SNTB1: variants seen among roughly 807,000 people sequenced by gnomAD.
SNTB1 encodes beta-1-syntrophin.
SNTB1 carries 36 observed loss-of-function variants against 48.9 expected under a neutral mutation model. The ratio of observed to expected loss-of-function variants is 0.74; its 90% CI spans 0.56 to 0.97. The LOEUF (loss-of-function observed/expected upper bound fraction) is 0.97. SNTB1 is among the 50% of genes least tolerant of loss of function. The probability of loss-of-function intolerance (pLI) is 0.00; values close to 1 mark genes in which losing one functional copy is unlikely to be tolerated. For synonymous variants in SNTB1, 299 were observed against 294.6 expected, an observed-to-expected ratio of 1.01 and a Z score of -0.15; for missense variants, 786 against 703.4, an observed-to-expected ratio of 1.12 and a Z score of -1.33.
At chr8:120,654,989 G>T in intron 2 of SNTB1, 1 of 456,054 alleles carries the variant, frequency 2.2e-6, no homozygotes. Flanking sequence ...AAACCACATG[G>T]TCATTATGGT....
intron 1 of SNTB1, among the ~76,000 whole-genome samples, chr8:120,748,265 G>T (rs571534275): frequency 2.6e-4 from 40 of 152,144 alleles, no homozygotes; most frequent in Non-Finnish European, 5.3e-4. Flanking sequence ...TCAGGAAGTT[G>T]TTTGTTTTGG....
intron 2 of SNTB1, among the ~76,000 whole-genome samples, chr8:120,657,174 A>T (rs559482906): frequency 1.4e-4 from 21 of 152,314 alleles, no homozygotes; most frequent in African/African-American, 4.8e-4. Flanking sequence ...TTTTAATGCA[A>T]TCAATATCTT....
At chr8:120,592,592 T>C (rs2130709323) in intron 3 of SNTB1, among the ~76,000 whole-genome samples, 1 of 152,080 alleles carries the variant, frequency 6.6e-6, no homozygotes, top group South Asian at 2.1e-4. Flanking sequence ...ACATGCTATG[T>C]GCCAGACACT....
At chr8:120,760,548 T>G (rs1297753594) in intron 1 of SNTB1, among the ~76,000 whole-genome samples, 8 of 151,972 alleles carry the variant, frequency 5.3e-5, no homozygotes, top group African/African-American at 2.4e-5. Context: ...CTGAGAGAGG[T>G]GGGTGAGGCA....
intron 1 of SNTB1, among the ~76,000 whole-genome samples, chr8:120,720,469 C>T (rs979733262): frequency 2.0e-5 from 3 of 152,198 alleles, no homozygotes; most frequent in East Asian, 1.9e-4. Flanking sequence ...TTTCATCTGC[C>T]GCAAATGAAT....
intron 1 of SNTB1, among the ~76,000 whole-genome samples, chr8:120,773,287 G>T (rs1311696203): frequency 6.6e-6 from 1 of 152,176 alleles, no homozygotes; most frequent in Non-Finnish European, 1.5e-5. Context: ...GAAAGCTGAG[G>T]TAGGAAAAAT....
intron 1 of SNTB1, chr8:120,761,384 T>C (rs1465459085): frequency 1.3e-5 from 2 of 152,198 alleles, no homozygotes; most frequent in African/African-American, 2.4e-5. Flanking sequence ...TAAGCTGGAA[T>C]TGACCCACAA....
chr8:120,615,373 T>C (rs772758598), intron 3 of SNTB1, among the ~76,000 whole-genome samples: 14 of 152,150 alleles, frequency 9.2e-5, no homozygotes, highest in Non-Finnish European at 1.9e-4. Context: ...AGCTGAGGGC[T>C]CACCGAATGC....
At chr8:120,702,836 T>G (rs369342599) in intron 1 of SNTB1, among the ~76,000 whole-genome samples, 45 of 152,308 alleles carry the variant, frequency 3.0e-4, no homozygotes, top group African/African-American at 1.0e-3. Flanking sequence ...CTGCCAACTA[T>G]GTAAGCTTGG....
chr8:120,793,713 C>T (rs1820076292), intron 1 of SNTB1, among the ~76,000 whole-genome samples: 1 of 151,988 alleles, frequency 6.6e-6, no homozygotes, highest in East Asian at 1.9e-4. Context: ...ATTGTTCTAA[C>T]TAGTCAAATA....
chr8:120,622,612 A>C (rs1437709996), intron 3 of SNTB1, among the ~76,000 whole-genome samples: 2 of 152,200 alleles, frequency 1.3e-5, no homozygotes, highest in African/African-American at 4.8e-5. Context: ...GTAAATGCCA[A>C]TGTGAGTTAT....
intron 3 of SNTB1, among the ~76,000 whole-genome samples, chr8:120,600,787 G>C (rs77179180): frequency 0.014 from 2,058 of 151,900 alleles, 48 homozygotes; most frequent in African/African-American, 0.048. Flanking sequence ...AGTCCCAAGG[G>C]AATGGGATGA....
intron 1 of SNTB1, among the ~76,000 whole-genome samples, chr8:120,752,802 T>C (rs1374560965): frequency 1.3e-5 from 2 of 151,896 alleles, no homozygotes; most frequent in Non-Finnish European, 2.9e-5. Context: ...AAAGGAACAA[T>C]AGGCACAGGG....
chr8:120,612,571 G>C (rs1275744509), intron 3 of SNTB1, among the ~76,000 whole-genome samples: 2 of 152,066 alleles, frequency 1.3e-5, no homozygotes, highest in Non-Finnish European at 2.9e-5. Flanking sequence ...TTATTTTTTT[G>C]AGATGGAGTT....
chr8:120,620,219 C>T (rs1816773057), intron 3 of SNTB1, among the ~76,000 whole-genome samples: 1 of 152,186 alleles, frequency 6.6e-6, no homozygotes, highest in South Asian at 2.1e-4. Context: ...AGAGAGCTGA[C>T]TGCCCTCATC....
chr8:120,769,270 C>A (rs185829941), intron 1 of SNTB1: 118 of 152,090 alleles, frequency 7.8e-4, no homozygotes, highest in African/African-American at 2.5e-3. Flanking sequence ...TCCTTATATC[C>A]TTTTTTCAAG....
intron 4 of SNTB1, among the ~76,000 whole-genome samples, chr8:120,565,428 T>C (rs1815732859): frequency 6.6e-6 from 1 of 152,166 alleles, no homozygotes; most frequent in Non-Finnish European, 1.5e-5. Flanking sequence ...CGCCCAAGGC[T>C]CCAAGGCTTG....
At chr8:120,633,264 G>A (rs529251755) in intron 2 of SNTB1, among the ~76,000 whole-genome samples, 11 of 152,140 alleles carry the variant, frequency 7.2e-5, no homozygotes, top group Non-Finnish European at 1.6e-4. Flanking sequence ...GCATGAATTG[G>A]CCTAGGAAGA....
intron 2 of SNTB1, among the ~76,000 whole-genome samples, chr8:120,652,372 G>T (rs1377963651): frequency 6.6e-6 from 1 of 152,170 alleles, no homozygotes; most frequent in Admixed American, 6.5e-5. Context: ...TTCCAGAATA[G>T]AAAGTGATAG....
Sources: allele counts gnomAD v4.1 joint callset (sites outside exome capture counted in the v4.1 genomes callset), GRCh38; gene constraint gnomAD v4.1.1; transcripts MANE v1.5; gene names NCBI Gene and HGNC (gene_info 2026-07-23, HGNC 2026-07-21).